Variants in INIP observed in about 807,000 individuals in gnomAD.
The protein encoded by INIP is SOSS complex subunit C.
In INIP, 9 loss-of-function variants were observed where a neutral mutation model predicts 14.0. The ratio of observed to expected loss-of-function variants is 0.64; its 90% confidence interval spans 0.39 to 1.12. The LOEUF is 1.12. INIP is among the 50% of genes most tolerant of loss of function. INIP has a pLI of 0.01. For missense variants in INIP, 78 were observed against 122.7 expected, an observed-to-expected ratio of 0.64 and a Z score of 1.72; for synonymous variants, 37 against 41.5, an observed-to-expected ratio of 0.89 and a Z score of 0.41.
At chr9:112,692,563 C>T (rs1242155614) in intron 3 of INIP, among the ~76,000 whole-genome samples, 3 of 151,912 alleles carry the variant, frequency 2.0e-5, no homozygotes, top group African/African-American at 7.3e-5. Flanking sequence ...GGATTACAGG[C>T]GTGAGCCACC....
chr9:112,708,691 G>A (rs1288437404), intron 2 of INIP, among the ~76,000 whole-genome samples: 1 of 151,704 alleles, frequency 6.6e-6, no homozygotes, highest in Admixed American at 6.6e-5. Context: ...TGACAGGGCT[G>A]CATTCATTTT....
chr9:112,690,876 T>C (rs1439950879), intron 3 of INIP, among the ~76,000 whole-genome samples: 6 of 152,154 alleles, frequency 3.9e-5, no homozygotes, highest in African/African-American at 1.4e-4. Flanking sequence ...ACTGCAGTCA[T>C]ATTCTGGCCT....
At chr9:112,694,849 A>G (rs1255480048) in intron 2 of INIP, among the ~76,000 whole-genome samples, 1 of 152,246 alleles carries the variant, frequency 6.6e-6, no homozygotes, top group African/African-American at 2.4e-5. Context: ...GGATACAAAG[A>G]GATATGGCCT....
intron 2 of INIP, among the ~76,000 whole-genome samples, chr9:112,714,193 G>A (rs889246980): frequency 3.9e-5 from 6 of 152,146 alleles, no homozygotes; most frequent in Non-Finnish European, 8.8e-5. Flanking sequence ...CTCACAGACA[G>A]TATGGTCAAT....
At chr9:112,709,673 C>A (rs904718685) in intron 2 of INIP, among the ~76,000 whole-genome samples, 2 of 152,184 alleles carry the variant, frequency 1.3e-5, no homozygotes, top group African/African-American at 4.8e-5. Flanking sequence ...TTCCTGTCAT[C>A]CCACATTGAC....
intron 2 of INIP, among the ~76,000 whole-genome samples, chr9:112,697,454 T>C (rs1838134064): frequency 6.6e-6 from 1 of 152,208 alleles, no homozygotes; most frequent in South Asian, 2.1e-4. Context: ...CTTGGTGGCA[T>C]GTGCCTGTAG....
In INIP at chr9:112,685,857, T is replaced by C. The variant is rs975237134; in HGVS notation, c.*1681A>G. On this transcript the variant is annotated 3_prime_UTR_variant, in exon 5 of 5. Transcript: ENST00000374242. ...GCTATCCTCGCTGCAATGGTGACCA[T>C]TACAATGGGGACAGTTGCCACCTCA... 2.6e-5 allele frequency: 4 copies of C among 152,072 alleles called. No individual in the cohort carries two copies. The highest frequency in any genetic ancestry group is 7.3e-5 in the African/African-American group (3 of 41,368). The allele number at this position is 152,072 out of a possible 1,614,324, so 9.4% of individuals were successfully genotyped here. A position where few individuals can be genotyped will look rare whatever the true frequency, so the allele number is the denominator to read the frequency against.
At chr9:112,708,763 C>T (rs1381844671) in intron 2 of INIP, among the ~76,000 whole-genome samples, 1 of 151,862 alleles carries the variant, frequency 6.6e-6, no homozygotes, top group African/African-American at 2.4e-5. Context: ...GTGGTATGAT[C>T]AGGGCTCACA....
intron 2 of INIP, among the ~76,000 whole-genome samples, chr9:112,696,129 C>T (rs1016991013): frequency 6.6e-6 from 1 of 151,982 alleles, no homozygotes; most frequent in Admixed American, 6.6e-5. Flanking sequence ...TGGGCTCAAG[C>T]GATCCTCCCA....
chr9:112,709,402 C>A (rs566370911), intron 2 of INIP, among the ~76,000 whole-genome samples: 1 of 152,084 alleles, frequency 6.6e-6, no homozygotes, highest in East Asian at 1.9e-4. Context: ...GAATAAGGAA[C>A]GTGGGACATG....
chr9:112,715,133 T>TACACACACACAC (rs58647648), intron 2 of INIP, among the ~76,000 whole-genome samples: 32 of 133,514 alleles, frequency 2.4e-4, no homozygotes, highest in South Asian at 8.1e-4. Flanking sequence ...CATACATACA[T>TACACACACACAC]ACACACACAC....
At chr9:112,695,865 GAGA>G (rs1162459130) in intron 2 of INIP, among the ~76,000 whole-genome samples, 3 of 150,066 alleles carry the variant, frequency 2.0e-5, no homozygotes, top group East Asian at 2.0e-4. Context: ...GAAGAAGAAG[GAGA>G]AGAAGAAGGA....
At chr9:112,701,079 A>G (rs983786264) in intron 2 of INIP, among the ~76,000 whole-genome samples, 2 of 152,178 alleles carry the variant, frequency 1.3e-5, no homozygotes, top group Admixed American at 1.3e-4. Flanking sequence ...TAATCCTAGC[A>G]CTTTGGGAGG....
At chr9:112,698,271 T>C (rs1006696756) in intron 2 of INIP, among the ~76,000 whole-genome samples, 16 of 140,070 alleles carry the variant, frequency 1.1e-4, no homozygotes, top group African/African-American at 4.3e-4. Context: ...GCCACTGCAC[T>C]TCAGCCTGGG....
chr9:112,715,215 G>T (rs1204837843), intron 2 of INIP, among the ~76,000 whole-genome samples: 2 of 150,812 alleles, frequency 1.3e-5, no homozygotes, highest in Non-Finnish European at 2.9e-5. Flanking sequence ...CCTGTATAGG[G>T]CATTTACCAT....
chr9:112,714,360 C>T (rs10513168), intron 2 of INIP, among the ~76,000 whole-genome samples: 11,122 of 152,180 alleles, frequency 0.073, 486 homozygotes, highest in Non-Finnish European at 0.096. Flanking sequence ...TGATACAGAA[C>T]GGAAATAGAG....
rs192099285 is a variant in INIP at position 112,717,307 on chromosome 9, G to A, written c.-57+680C>T. On this transcript the variant is annotated intron_variant, in intron 1 of 4. Coordinates refer to ENST00000374242, the MANE Select transcript of INIP (RefSeq NM_021218.3). ...CTGTATCTGCTCTGCACCATACACT[G>A]TGTAACATGCTCGAAATTAGTTCCT... 1.1e-4 allele frequency among the ~76,000 whole-genome samples: 17 copies of A among 152,260 alleles called. No homozygotes were observed. The East Asian group carries it at 3.1e-3, about 28-fold the overall frequency.
At chr9:112,707,801 C>G (rs765752799) in intron 2 of INIP, among the ~76,000 whole-genome samples, 2 of 152,194 alleles carry the variant, frequency 1.3e-5, no homozygotes, top group Non-Finnish European at 2.9e-5. Context: ...ATACTCTTCA[C>G]AACTATATAG....
Position 112,716,471 on chromosome 9 carries a change from A to C in INIP, c.15T>G (p.Ser5=), listed in dbSNP as rs1838820858. The C allele has an allele frequency of 6.2e-7, 1 of 1,613,804 alleles. No homozygotes were observed. The highest frequency in any genetic ancestry group is 8.5e-7 in the Non-Finnish European group (1 of 1,179,746). Residue 5 remains serine, a synonymous_variant, in exon 2 of 5, where the codon TCT becomes TCG. Coordinates refer to ENST00000374242, the MANE Select transcript of INIP (RefSeq NM_021218.3). The stretch of plus-strand genomic sequence containing the variant: ...TCCTGCTGTCATTACCTTGTCCTGA[A>C]GAGTTTGCTGCCATTTTCCTATTTT... MAAN[S]SGQGFQNKNR...
Sources: gnomAD v4.1 joint callset for allele counts (sites outside exome capture counted in the v4.1 genomes callset) on GRCh38, gnomAD v4.1.1 for gene constraint, MANE v1.5 for transcripts, NCBI Gene and HGNC (gene_info 2026-07-23, HGNC 2026-07-21) for gene names.